Variants in NRG1 observed in about 807,000 individuals in gnomAD.
NRG1 encodes neuregulin 1.
Under a neutral mutation model 63.8 loss-of-function variants are expected in NRG1, and 18 were observed. The ratio of observed to expected loss-of-function variants is 0.28; its 90% CI spans 0.19 to 0.42. The LOEUF (loss-of-function observed/expected upper bound fraction) is 0.42. NRG1 is among the 10% of genes least tolerant of loss of function. The pLI is 1.00. For missense variants in NRG1, 762 were observed against 814.7 expected (o/e 0.94, Z 0.79); for synonymous variants, 302 against 301.3 (o/e 1.00, Z -0.02).
At chr8:31,971,823 TG>T (rs1245355682) in intron 1 of NRG1, among the ~76,000 whole-genome samples, 1 of 152,210 alleles carries the variant, frequency 6.6e-6, no homozygotes, top group Non-Finnish European at 1.5e-5. Context: ...ATCCAAGGTG[TG>T]GGCTCTTTTT....
chr8:32,415,029 G>T lies in NRG1; in HGVS notation c.38-180799G>T, dbSNP rs1232088610. 3.3e-5 allele frequency among the ~76,000 whole-genome samples: 5 copies of T among 152,184 alleles called. No individual in the cohort carries two copies. The East Asian group carries it at 7.7e-4, about 24-fold the overall frequency. Reference sequence around the variant, plus strand: ...TTTCAAAGTCACATGTTAATTAGTGGCATTGTGAGGGAAGCATTTGAACAA... The same window carrying T: ...TTTCAAAGTCACATGTTAATTAGTGTCATTGTGAGGGAAGCATTTGAACAA... On this transcript the variant is annotated intron_variant, in intron 1 of 10. Coordinates refer to the NRG1 transcript ENST00000519301.
chr8:32,646,552 C>G (rs547926839), intron 5 of NRG1, among the ~76,000 whole-genome samples: 5 of 152,156 alleles, frequency 3.3e-5, no homozygotes, highest in African/African-American at 9.7e-5. Context: ...CACCACCCCC[C>G]ACCCCATCCC....
intron 1 of NRG1, among the ~76,000 whole-genome samples, chr8:32,050,087 G>A (rs1366680926): frequency 2.6e-5 from 4 of 152,148 alleles, no homozygotes; most frequent in Non-Finnish European, 5.9e-5. Flanking sequence ...TGTATCATAT[G>A]TGGTAACAAA....
chr8:32,035,342 G>A (rs1818869716), intron 1 of NRG1, among the ~76,000 whole-genome samples: 1 of 152,062 alleles, frequency 6.6e-6, no homozygotes, highest in African/African-American at 2.4e-5. Flanking sequence ...CATTTGCTGA[G>A]GAGTGATTTA....
chr8:32,344,382 C>CTTTCTTTCTTTTTCTT (rs59156035), intron 1 of NRG1, among the ~76,000 whole-genome samples: 3 of 65,906 alleles, frequency 4.6e-5, no homozygotes, highest in Non-Finnish European at 6.4e-5. Flanking sequence ...TTCTTTCTTT[C>CTTTCTTTCTTTTTCTT]TCTTTCTTTC....
In NRG1 at chr8:31,640,051, G is replaced by A. The variant is rs1390495162; in HGVS notation, c.37+620G>A. 4.4e-6 allele frequency: 5 copies of A among 1,142,964 alleles called. No homozygotes were observed. Among genetic ancestry groups the A allele is most frequent in the East Asian group, 4.4e-5 (1 of 22,862 alleles). The allele number at this position is 1,142,964 out of a possible 1,614,324, so 70.8% of individuals were successfully genotyped here. A position where few individuals can be genotyped will look rare whatever the true frequency, so the allele number is the denominator to read the frequency against. Reference sequence around the variant, plus strand: ...CCCCCGGGCCCAGCGCCCCGGCTCCGCCGCCCGCTCGTCGCCGCCGCTGCC... The same window carrying A: ...CCCCCGGGCCCAGCGCCCCGGCTCCACCGCCCGCTCGTCGCCGCCGCTGCC... On this transcript the variant is annotated intron_variant, in intron 1 of 10. Coordinates refer to the NRG1 transcript ENST00000519301. This position sits in a 1 kb window ranked among gnomAD's most constrained non-coding sequence, Gnocchi z 6.3.
exon 12 of NRG1, chr8:32,764,523 CTT>C: frequency 1.1e-6 from 1 of 939,682 alleles, no homozygotes; most frequent in Non-Finnish European, 1.5e-6. Context: ...AGGAAAAAAA[CTT>C]TTATAAATTA....
chr8:32,686,180 A>G (rs1460849800), intron 5 of NRG1, among the ~76,000 whole-genome samples: 1 of 152,186 alleles, frequency 6.6e-6, no homozygotes, highest in Non-Finnish European at 1.5e-5. Context: ...CAAGTTACCA[A>G]TATGACTCTT....
intron 5 of NRG1, among the ~76,000 whole-genome samples, chr8:32,666,575 G>A (rs1804213503): frequency 6.6e-6 from 1 of 152,176 alleles, no homozygotes; most frequent in African/African-American, 2.4e-5. Context: ...AGATGCACTG[G>A]AATCAGCATG....
intron 1 of NRG1, among the ~76,000 whole-genome samples, chr8:32,165,687 T>C (rs969521757): frequency 7.9e-5 from 12 of 152,152 alleles, no homozygotes; most frequent in African/African-American, 2.9e-4. Flanking sequence ...ATAATCATTC[T>C]GTTTCATGGC....
intron 1 of NRG1, among the ~76,000 whole-genome samples, chr8:32,520,366 C>G (rs1808413510): frequency 6.6e-6 from 1 of 151,670 alleles, no homozygotes; most frequent in African/African-American, 2.4e-5. Context: ...GCCATGTTGC[C>G]CAGGCTGGTC....
chr8:32,199,740 A>G (rs1843312209), intron 1 of NRG1, among the ~76,000 whole-genome samples: 1 of 152,100 alleles, frequency 6.6e-6, no homozygotes, highest in Non-Finnish European at 1.5e-5. Flanking sequence ...CTTTTATTAC[A>G]AATATTCTAA....
intron 1 of NRG1, among the ~76,000 whole-genome samples, chr8:32,300,057 C>G (rs1386533576): frequency 6.6e-6 from 1 of 152,066 alleles, no homozygotes; most frequent in Non-Finnish European, 1.5e-5. Flanking sequence ...TAGAGACAAC[C>G]TACCACAGGC....
chr8:32,028,864 C>G (rs1401545698), intron 1 of NRG1, among the ~76,000 whole-genome samples: 1 of 151,662 alleles, frequency 6.6e-6, no homozygotes, highest in African/African-American at 2.4e-5. Flanking sequence ...AATAACATCA[C>G]TAACCTTCCT....
At chr8:32,017,723 G>A (rs1183501857) in intron 1 of NRG1, among the ~76,000 whole-genome samples, 1 of 152,196 alleles carries the variant, frequency 6.6e-6, no homozygotes. Context: ...GAAAAGATAC[G>A]TAAGGAAAGA....
At chr8:32,025,925 G>A (rs1380789568) in intron 1 of NRG1, among the ~76,000 whole-genome samples, 1 of 139,248 alleles carries the variant, frequency 7.2e-6, no homozygotes, top group African/African-American at 2.6e-5. Flanking sequence ...CGGCCTGGCC[G>A]AGAGAGCGAG....
At chr8:32,310,314 C>T (rs1378358105) in intron 1 of NRG1, among the ~76,000 whole-genome samples, 1 of 152,182 alleles carries the variant, frequency 6.6e-6, no homozygotes, top group African/African-American at 2.4e-5. Flanking sequence ...CTGATTCTTT[C>T]TCAAATATTT....
intron 1 of NRG1, among the ~76,000 whole-genome samples, chr8:31,926,283 T>C (rs1282055029): frequency 1.3e-5 from 2 of 152,058 alleles, no homozygotes; most frequent in Non-Finnish European, 2.9e-5. Context: ...TGTCTTTCAG[T>C]TCCATTAAAC....
chr8:32,260,682 C>T (rs1442880100), intron 1 of NRG1, among the ~76,000 whole-genome samples: 1 of 152,220 alleles, frequency 6.6e-6, no homozygotes. Flanking sequence ...CTGCTAAATG[C>T]TAAAGTCATG....
Sources: gnomAD v4.1 joint callset for allele counts (sites outside exome capture counted in the v4.1 genomes callset) on GRCh38, gnomAD v4.1.1 for gene constraint, Gnocchi (gnomAD v3.1) non-coding constraint, MANE v1.5 for transcripts, NCBI Gene and HGNC (gene_info 2026-07-23, HGNC 2026-07-21) for gene names.